Variants in POLD1 observed in about 807,000 individuals in gnomAD.
POLD1 encodes the protein DNA polymerase delta 1, catalytic subunit, also known as DNA polymerase delta catalytic subunit.
Under a neutral mutation model 129.7 loss-of-function variants are expected in POLD1, and 79 were observed. The ratio of observed to expected loss-of-function variants is 0.61; its 90% CI spans 0.51 to 0.73. The LOEUF is 0.73. Among genes scored for constraint, POLD1 ranks in the 30% least tolerant of loss-of-function variants. POLD1 has a pLI of 0.00. For missense variants in POLD1, 1,338 were observed against 1,595.8 expected (o/e 0.84, Z 2.75); for synonymous variants, 714 against 683.3 (o/e 1.04, Z -0.70).
At position 50,403,676 on chromosome 19, in the gene POLD1, C is replaced by T. The variant is rs1033064886; in HGVS notation, c.1242+79C>T. 1.5e-5 allele frequency: 13 copies of T among 895,214 alleles called. No individual in the cohort carries two copies. The African/African-American group carries it at 2.1e-4, about 15-fold the overall frequency. The allele number at this position is 895,214 out of a possible 1,614,324, so 55.5% of individuals were successfully genotyped here. ...GGGCCCTGGGCCTCCTTCCCACTCCCTCTCCACATGGCTTGGTGCATCTTG... is the reference window on the plus strand; with the variant it reads ...GGGCCCTGGGCCTCCTTCCCACTCCTTCTCCACATGGCTTGGTGCATCTTG... On this transcript the variant is annotated intron_variant, in intron 10 of 26. Coordinates refer to ENST00000440232, the MANE Select transcript of POLD1 (RefSeq NM_002691.4).
chr19:50,393,190 C>T (rs1450718990), intron 1 of POLD1, among the ~76,000 whole-genome samples: 1 of 152,152 alleles, frequency 6.6e-6, no homozygotes, highest in Non-Finnish European at 1.5e-5. Flanking sequence ...GCCCAGGTCT[C>T]CAGTGTACAG....
At chr19:50,388,190 G>A (rs1329573649) in intron 1 of POLD1, among the ~76,000 whole-genome samples, 2 of 152,190 alleles carry the variant, frequency 1.3e-5, no homozygotes, top group Non-Finnish European at 2.9e-5. Context: ...AATGCAGGGA[G>A]AGAGCTAAAG....
chr19:50,406,072 C>G lies in POLD1; in HGVS notation c.1243-110C>G. The G allele has an allele frequency of 7.3e-7, 1 of 1,365,182 alleles. No homozygotes were observed. The highest frequency in any genetic ancestry group is 1.0e-6 in the Non-Finnish European group (1 of 990,212). 84.6% of individuals were successfully genotyped at this position (1,365,182 alleles called of 1,614,324 possible). ...GTCTTTCTGCCCCCAGGGTTGCTCT[C>G]GACCCCCTAGGGTTGTTATAAGGAT... is the stretch of plus-strand genomic sequence containing the variant. On this transcript the variant is annotated intron_variant, in intron 10 of 26. Coordinates refer to ENST00000440232, the MANE Select transcript of POLD1 (RefSeq NM_002691.4). This position sits in a 1 kb window ranked among gnomAD's most constrained non-coding sequence, Gnocchi z 5.5.
intron 1 of POLD1, among the ~76,000 whole-genome samples, chr19:50,397,267 C>T (rs1455382248): frequency 4.6e-5 from 7 of 150,912 alleles, no homozygotes; most frequent in African/African-American, 9.8e-5. Context: ...GGCATGGTGG[C>T]GCGTGCTTGT....
In POLD1 at chr19:50,407,330, ATGCACG is replaced by A; in HGVS notation, c.1691_1696del (p.Met564_Glu566delinsLys). The A allele has an allele frequency of 1.9e-6, 3 of 1,612,012 alleles. No homozygotes were observed. The highest frequency in any genetic ancestry group is 2.5e-6 in the Non-Finnish European group (3 of 1,178,860). On this transcript the variant is annotated inframe_deletion, in exon 14 of 27. Transcript: ENST00000440232. ...TTCCCACCTTCTCCCCTCCCAGGCCATGCACGAGGGGCTGCTGATGCCCGTGGTGAA... is the reference window on the plus strand; with the variant it reads ...TTCCCACCTTCTCCCCTCCCAGGCCAAGGGGCTGCTGATGCCCGTGGTGAA...
chr19:50,402,888 A>T (rs2038714442), intron 8 of POLD1, 147 bp downstream of exon 8: 2 of 1,346,234 alleles, frequency 1.5e-6, no homozygotes, highest in Non-Finnish European at 2.0e-6. Flanking sequence ...GTGAGCACAG[A>T]GGGTGTGGAG....
At chr19:50,389,120 C>T (rs1225935875) in intron 1 of POLD1, among the ~76,000 whole-genome samples, 2 of 150,982 alleles carry the variant, frequency 1.3e-5, no homozygotes, top group Non-Finnish European at 2.9e-5. Flanking sequence ...CATGAGCCAC[C>T]GCACCTGGCC....
rs2038649365 is a variant in POLD1 at position 50,401,878 on chromosome 19, C to T, written c.417C>T (p.Cys139=). The part of the protein sequence containing the change: ...GVTDEGFSVC[C]HIHGFAPYFY... Reference sequence around the variant, plus strand: ...CCGATGAGGGGTTCTCTGTCTGCTGCCACATCCACGGCTTCGCTCCCTACT... The same window carrying T: ...CCGATGAGGGGTTCTCTGTCTGCTGTCACATCCACGGCTTCGCTCCCTACT... Residue 139 remains cysteine, a synonymous_variant, in exon 4 of 27, where the codon TGC becomes TGT. Transcript: ENST00000440232. 6.2e-7 allele frequency: 1 copy of T among 1,613,936 alleles called. No homozygotes were observed. Among genetic ancestry groups the T allele is most frequent in the Non-Finnish European group, 8.5e-7 (1 of 1,179,978 alleles).
At chr19:50,402,432 A>G (rs1182168880) in intron 6 of POLD1, 22 bp from the exon 7 acceptor site, 1 of 1,612,602 alleles carries the variant, frequency 6.2e-7, no homozygotes, top group Non-Finnish European at 8.5e-7. Context: ...GCCCCTGTCC[A>G]CTGACCCCCA....
chr19:50,406,938 C>A lies in POLD1; in HGVS notation c.1495-45C>A. 3 of 1,432,792 alleles carry A rather than the reference C, an allele frequency of 2.1e-6. No homozygotes were observed. The highest frequency in any genetic ancestry group is 2.9e-6 in the Non-Finnish European group (3 of 1,052,398). 88.8% of individuals were successfully genotyped at this position (1,432,792 alleles called of 1,614,324 possible). On this transcript the variant is annotated intron_variant, in intron 12 of 26. Coordinates refer to ENST00000440232, the MANE Select transcript of POLD1 (RefSeq NM_002691.4). This position sits in a 1 kb window ranked among gnomAD's most constrained non-coding sequence, Gnocchi z 5.5. ...CACTTCCTTCTCCTGCTCCACCTCC[C>A]ACCCCCAACCCCTGGTCCCTGACCC...
At position 50,403,110 on chromosome 19, in the gene POLD1, G is replaced by C. The variant is rs140539427; in HGVS notation, c.1028G>C (p.Arg343Pro). The C allele has an allele frequency of 5.8e-6, 9 of 1,564,472 alleles. No individual in the cohort carries two copies. The African/African-American group carries it at 1.2e-4, about 21-fold the overall frequency. Residue 343 changes from arginine to proline, a missense_variant, in exon 9 of 27, where the codon CGC (arginine) becomes CCC (proline). This residue lies in a region of POLD1 where 720 missense variants were observed against 1,002.6 expected (regional missense o/e 0.72). Coordinates refer to ENST00000440232, the MANE Select transcript of POLD1 (RefSeq NM_002691.4). ...ATCCAGATCTGCTCGCTGGGCCTGC[G>C]CTGGGGGGAGCCGGAGCCCTTCCTA... is the stretch of plus-strand genomic sequence containing the variant. ...PVIQICSLGL[R>P]WGEPEPFLRL...
Position 50,406,864 on chromosome 19 carries a change from T to G in POLD1, c.1495-119T>G. 1 of 753,816 alleles carries G rather than the reference T, an allele frequency of 1.3e-6. No homozygotes were observed. The highest frequency in any genetic ancestry group is 2.1e-6 in the Non-Finnish European group (1 of 474,252). The allele number at this position is 753,816 out of a possible 1,614,324, so 46.7% of individuals were successfully genotyped here. On this transcript the variant is annotated intron_variant, in intron 12 of 26. Transcript: ENST00000440232. This position sits in a 1 kb window ranked among gnomAD's most constrained non-coding sequence, Gnocchi z 5.5. The stretch of plus-strand genomic sequence containing the variant: ...ACCCTGACGACTTGGAGGGCCCTCC[T>G]GCCCGCCTCACCTCCCAGGCCCTCC...
chr19:50,417,879 C>T lies in POLD1; in HGVS notation c.3256C>T (p.Arg1086Trp), dbSNP rs963136799. Residue 1086 changes from arginine (R) to tryptophan (W), a missense_variant, in exon 27 of 27, where the codon CGG becomes TGG. By Grantham distance (101) the Arg-to-Trp change is moderately radical. Transcript: ENST00000440232. ...CPIFYMRKKV[R>W]KDLEDQEQLL... ...CATCTTCTACATGCGCAAGAAGGTG[C>T]GGAAGGACCTGGAAGACCAGGAGCA... 3.4e-5 allele frequency: 54 copies of T among 1,610,646 alleles called. No homozygotes were observed. In the East Asian group the frequency reaches 9.8e-4, roughly 29 times the overall value.
In POLD1 at chr19:50,416,400, C is replaced by T. The variant is rs1270149320; in HGVS notation, c.2825C>T (p.Pro942Leu). ...GVAAYMKSED[P>L]LFVLEHSLPI... is the part of the protein sequence containing the mutation. ...GTGACTGCCATGTGGCCGCAGGACC[C>T]GCTGTTCGTGCTGGAGCACAGCCTG... The change falls in exon 23 of 27, where the codon CCG (proline) becomes CTG (leucine). Residue 942 changes from proline to leucine, a missense_variant. By Grantham distance (98) the Pro-to-Leu change is moderately conservative (BLOSUM62 -3). This residue lies in a region of POLD1 where 286 missense variants were observed against 277.5 expected (regional missense o/e 1.03). Transcript: ENST00000440232. 1 of 1,549,058 alleles carries T rather than the reference C, an allele frequency of 6.5e-7. No individual in the cohort carries two copies. The highest frequency in any genetic ancestry group is 8.7e-7 in the Non-Finnish European group (1 of 1,147,092).
In POLD1 at chr19:50,417,026, C is replaced by T; in HGVS notation, c.3068-19C>T. 1.3e-6 allele frequency: 2 copies of T among 1,546,988 alleles called. No individual in the cohort carries two copies. The highest frequency in any genetic ancestry group is 2.4e-5 in the South Asian group (2 of 83,748). On this transcript the variant is annotated intron_variant, in intron 24 of 26. Transcript: ENST00000440232. ...TCCTGGCTGGGCCCCAGCACTTGGG[C>T]TGACCCGCCTCCCCACAGGAGCCGT...
chr19:50,387,348 T>C (rs1211486294), intron 1 of POLD1, among the ~76,000 whole-genome samples: 1 of 152,048 alleles, frequency 6.6e-6, no homozygotes, highest in East Asian at 1.9e-4. Flanking sequence ...AGGAAATGAG[T>C]GTCTCACTCA....
At position 50,412,279 on chromosome 19, in the gene POLD1, A is replaced by T. The variant is rs181664019; in HGVS notation, c.2155-1147A>T. 1.1e-3 allele frequency among the ~76,000 whole-genome samples: 172 copies of T among 152,138 alleles called. No homozygotes were observed. The Middle Eastern group carries it at 0.017, about 15-fold the overall frequency. The stretch of plus-strand genomic sequence containing the variant: ...GTGATTCTCCTGCCTCAGCCTCCTG[A>T]GTAGCTGGGATTACAGGCACCCGCC... On this transcript the variant is annotated intron_variant, in intron 17 of 26. Coordinates refer to ENST00000440232, the MANE Select transcript of POLD1 (RefSeq NM_002691.4).
In POLD1 at chr19:50,403,129, C is replaced by G. The variant is rs2038726091; in HGVS notation, c.1047C>G (p.Pro349=). 1 of 1,561,880 alleles carries G rather than the reference C, an allele frequency of 6.4e-7. No individual in the cohort carries two copies. The highest frequency in any genetic ancestry group is 1.2e-5 in the South Asian group (1 of 84,888). The change falls in exon 9 of 27, where the codon CCC becomes CCG. Residue 349 remains proline (P), a synonymous_variant. Transcript: ENST00000440232. ...SLGLRWGEPE[P]FLRLALTLRP... is the part of the protein sequence containing the mutation. The stretch of plus-strand genomic sequence containing the variant: ...GCCTGCGCTGGGGGGAGCCGGAGCC[C>G]TTCCTACGCCTGGCGCTCACCCTGC...
chr19:50,397,678 C>T (rs2038420181), intron 1 of POLD1, among the ~76,000 whole-genome samples: 1 of 152,242 alleles, frequency 6.6e-6, no homozygotes, highest in Non-Finnish European at 1.5e-5. Flanking sequence ...GCTGGGATTA[C>T]AGGCGTGAGC....
Sources: allele counts gnomAD v4.1 joint callset (sites outside exome capture counted in the v4.1 genomes callset), GRCh38; gene constraint gnomAD v4.1.1; regional missense constraint gnomAD v4.1.1; non-coding constraint Gnocchi (gnomAD v3.1); transcripts MANE v1.5; gene names NCBI Gene and HGNC (gene_info 2026-07-23, HGNC 2026-07-21).